The following ZMPSTE24 variants were observed in gnomAD, a reference collection of about 807,000 sequenced individuals.
The protein encoded by ZMPSTE24 is CAAX prenyl protease 1 homolog.
In ZMPSTE24, 48 loss-of-function variants were observed where a neutral mutation model predicts 56.7. The observed-to-expected ratio is 0.85, with a 90% CI of 0.67 to 1.08. The LOEUF is 1.08. ZMPSTE24 is among the 50% of genes least tolerant of loss of function. The pLI is 0.00. For missense variants in ZMPSTE24, 503 were observed against 548.7 expected (o/e 0.92, Z 0.83); for synonymous variants, 172 against 195.2 (o/e 0.88, Z 0.99).
intron 7 of ZMPSTE24, among the ~76,000 whole-genome samples, chr1:40,284,949 G>T (rs1569657818): frequency 1.6e-5 from 2 of 122,918 alleles, no homozygotes; most frequent in African/African-American, 6.6e-5. Flanking sequence ...TTTTTGAGAT[G>T]GAGTCTCACT....
chr1:40,283,931 C>T (rs1394234089), intron 7 of ZMPSTE24, among the ~76,000 whole-genome samples: 1 of 146,702 alleles, frequency 6.8e-6, no homozygotes, highest in Non-Finnish European at 1.5e-5. Flanking sequence ...TTGTATTGAA[C>T]TTTCTTTCTT....
chr1:40,292,013 G>C (rs950286183), intron 9 of ZMPSTE24, among the ~76,000 whole-genome samples: 15 of 151,704 alleles, frequency 9.9e-5, no homozygotes, highest in African/African-American at 3.6e-4. Flanking sequence ...GCTAATTTTT[G>C]TATTTTTACT....
At chr1:40,269,234 A>C (rs543773045) in intron 4 of ZMPSTE24, among the ~76,000 whole-genome samples, 7 of 152,034 alleles carry the variant, frequency 4.6e-5, no homozygotes, top group African/African-American at 1.7e-4. Context: ...TCATCTCTAC[A>C]AAAAAATTCT....
intron 7 of ZMPSTE24, among the ~76,000 whole-genome samples, chr1:40,282,685 G>A (rs545288121): frequency 1.9e-4 from 29 of 152,324 alleles, no homozygotes; most frequent in African/African-American, 6.7e-4. Flanking sequence ...GATGAGGCCA[G>A]TAGGGTTTCT....
intron 6 of ZMPSTE24, among the ~76,000 whole-genome samples, chr1:40,279,708 G>GGA (rs1643707976): frequency 6.6e-6 from 1 of 152,162 alleles, no homozygotes; most frequent in South Asian, 2.1e-4. Flanking sequence ...GTGTTGTCTT[G>GGA]GAGAAGAATT....
At chr1:40,261,834 T>G (rs968839566) in intron 2 of ZMPSTE24, among the ~76,000 whole-genome samples, 1 of 152,166 alleles carries the variant, frequency 6.6e-6, no homozygotes, top group Admixed American at 6.5e-5. Flanking sequence ...CTTAGGCTCC[T>G]GAGTAGCTGG....
intron 8 of ZMPSTE24, among the ~76,000 whole-genome samples, chr1:40,289,034 T>A (rs529699649): frequency 6.6e-6 from 1 of 152,124 alleles, no homozygotes. Flanking sequence ...GGTGCCAGCA[T>A]ATTGTATTAA....
At position 40,286,003 on chromosome 1, in the gene ZMPSTE24, A is replaced by T. The variant is rs745640032; in HGVS notation, c.1033A>T (p.Thr345Ser). Residue 345 changes from threonine to serine, a missense_variant, in exon 8 of 10, where the codon ACA (threonine) becomes TCA (serine). Transcript: ENST00000372759. Reference protein sequence around the residue: ...HELGHWKLGHTVKNIIISQMN... With the variant: ...HELGHWKLGHSVKNIIISQMN... Reference sequence around the variant, plus strand: ...ACTGGGGCACTGGAAGTTGGGACATACAGTCAAAAATATCATTATTAGCCA... The same window carrying T: ...ACTGGGGCACTGGAAGTTGGGACATTCAGTCAAAAATATCATTATTAGCCA... 6.2e-7 allele frequency: 1 copy of T among 1,613,958 alleles called. No homozygotes were observed. The highest frequency in any genetic ancestry group is 8.5e-7 in the Non-Finnish European group (1 of 1,179,866).
chr1:40,269,931 G>A, intron 4 of ZMPSTE24, 44 bp from the exon 5 acceptor site: 2 of 1,578,202 alleles, frequency 1.3e-6, no homozygotes, highest in Non-Finnish European at 1.7e-6. Flanking sequence ...TTAAAAAGCA[G>A]AACCAGTTTC....
Position 40,260,869 on chromosome 1 carries a change from C to T in ZMPSTE24, c.154C>T (p.Pro52Ser). 1 of 1,613,888 alleles carries T rather than the reference C, an allele frequency of 6.2e-7. No individual in the cohort carries two copies. The highest frequency in any genetic ancestry group is 8.5e-7 in the Non-Finnish European group (1 of 1,179,842). ...RRIYKTTTHV[P>S]PELGQIMDSE... ...GATATATAAAACAACAACTCATGTA[C>T]CACCGGAGTTAGGACAGATCATGGA... Residue 52 changes from proline to serine, a missense_variant, in exon 2 of 10, where the codon CCA becomes TCA. Coordinates refer to ENST00000372759, the MANE Select transcript of ZMPSTE24 (RefSeq NM_005857.5).
chr1:40,288,629 T>C (rs1171812457), intron 8 of ZMPSTE24, among the ~76,000 whole-genome samples: 1 of 152,232 alleles, frequency 6.6e-6, no homozygotes, highest in African/African-American at 2.4e-5. Context: ...AGAGAAAGGC[T>C]AGCTGACCTT....
chr1:40,291,030 T>C (rs889087270), intron 9 of ZMPSTE24, 33 bp downstream of exon 9: 19 of 1,609,548 alleles, frequency 1.2e-5, no homozygotes, highest in Non-Finnish European at 1.5e-5. Flanking sequence ...ATCACACATA[T>C]GCTCTTGCCT....
At chr1:40,284,058 C>T (rs1217618547) in intron 7 of ZMPSTE24, among the ~76,000 whole-genome samples, 2 of 150,672 alleles carry the variant, frequency 1.3e-5, no homozygotes, top group Non-Finnish European at 3.0e-5. Context: ...GCCTCAGCCT[C>T]CTGAGTAGCT....
rs71577619 is a variant in ZMPSTE24 at position 40,273,537 on chromosome 1, AAT to A, written c.769+1533_769+1534del. ...TGTCTAAAAAAAAAAAAAAAAAAAAAATATATATATATATATATATATATATA... is the reference window on the plus strand; with the variant it reads ...TGTCTAAAAAAAAAAAAAAAAAAAAAATATATATATATATATATATATATA... On this transcript the variant is annotated intron_variant, in intron 6 of 9. Transcript: ENST00000372759. Among the ~76,000 whole-genome samples, 27 of 12,382 alleles carry A rather than the reference AAT, an allele frequency of 2.2e-3. 1 individual carries two copies. Among genetic ancestry groups the A allele is most frequent in the East Asian group, 6.6e-3 (2 of 304 alleles). The allele number at this position is 12,382 out of a possible 152,430, so 8.1% of individuals were successfully genotyped here.
At position 40,281,366 on chromosome 1, in the gene ZMPSTE24, A is replaced by G; in HGVS notation, c.793A>G (p.Asn265Asp). ...AGGATCTAAACGCTCTTCCCACAGC[A>G]ATGCTTATTTTTATGGCTTCTTCAA... The part of the protein sequence containing the change: ...VEGSKRSSHS[N>D]AYFYGFFKNK... The change falls in exon 7 of 10, where the codon AAT becomes GAT. Residue 265 changes from asparagine (N) to aspartate (D), a missense_variant. Coordinates refer to ENST00000372759, the MANE Select transcript of ZMPSTE24 (RefSeq NM_005857.5). The G allele has an allele frequency of 6.2e-7, 1 of 1,614,136 alleles. No individual in the cohort carries two copies. Among genetic ancestry groups the G allele is most frequent in the Non-Finnish European group, 8.5e-7 (1 of 1,180,008 alleles).
In ZMPSTE24 at chr1:40,290,865, C is replaced by G; in HGVS notation, c.1071C>G (p.Phe357Leu). 1 of 1,613,798 alleles carries G rather than the reference C, an allele frequency of 6.2e-7. No individual in the cohort carries two copies. The highest frequency in any genetic ancestry group is 8.5e-7 in the Non-Finnish European group (1 of 1,179,956). ...GTCCTTCTTTCTAGATGAATTCTTT[C>G]CTGTGTTTTTTTTTATTTGCTGTAT... is the stretch of plus-strand genomic sequence containing the variant. ...KNIIISQMNS[F>L]LCFFLFAVLI... Residue 357 changes from phenylalanine (F) to leucine (L), a missense_variant, in exon 9 of 10, where the codon TTC becomes TTG. By Grantham distance (22) the Phe-to-Leu change is conservative. Coordinates refer to ENST00000372759, the MANE Select transcript of ZMPSTE24 (RefSeq NM_005857.5).
chr1:40,283,017 A>G (rs1171663318), intron 7 of ZMPSTE24, among the ~76,000 whole-genome samples: 1 of 152,210 alleles, frequency 6.6e-6, no homozygotes, highest in Non-Finnish European at 1.5e-5. Context: ...GAAAATGATT[A>G]GCATCTGAGC....
intron 6 of ZMPSTE24, among the ~76,000 whole-genome samples, chr1:40,278,513 G>C (rs1245460493): frequency 8.2e-6 from 1 of 121,490 alleles, no homozygotes; most frequent in African/African-American, 3.2e-5. Flanking sequence ...AGCCGAGATC[G>C]CGCCACTGCA....
At chr1:40,285,492 G>A (rs1025035182) in intron 7 of ZMPSTE24, among the ~76,000 whole-genome samples, 6 of 152,112 alleles carry the variant, frequency 3.9e-5, no homozygotes, top group Non-Finnish European at 5.9e-5. Context: ...TGTCTGCCTC[G>A]GTTTCCCAAA....
Sources: gnomAD v4.1 joint callset for allele counts (sites outside exome capture counted in the v4.1 genomes callset) on GRCh38, gnomAD v4.1.1 for gene constraint, MANE v1.5 for transcripts, NCBI Gene and HGNC (gene_info 2026-07-23, HGNC 2026-07-21) for gene names.